Variants in PRKAG2 observed in about 807,000 individuals in gnomAD.
PRKAG2 encodes the protein 5'-AMP-activated protein kinase subunit gamma-2.
Under a neutral mutation model 69.6 loss-of-function variants are expected in PRKAG2, and 26 were observed. The ratio of observed to expected loss-of-function variants is 0.37; its 90% CI spans 0.27 to 0.52. The LOEUF is 0.52. Ranked by LOEUF, PRKAG2 falls within the 20% of genes least tolerant of loss-of-function variation. PRKAG2 has a pLI of 0.90. For missense variants in PRKAG2, 557 were observed against 740.0 expected, an observed-to-expected ratio of 0.75 and a Z score of 2.87; for synonymous variants, 293 against 285.0, an observed-to-expected ratio of 1.03 and a Z score of -0.28.
In PRKAG2 at chr7:151,771,807, C is replaced by T. The variant is rs144614786; in HGVS notation, c.466+9345G>A. Among the ~76,000 whole-genome samples the T allele has an allele frequency of 1.3e-5, 2 of 152,284 alleles. No individual in the cohort carries two copies. Among genetic ancestry groups the T allele is most frequent in the African/African-American group, 2.4e-5 (1 of 41,560 alleles). Reference sequence around the variant, plus strand: ...ATCTTGATGTCATCAATGATAATTGCCTCTGTCCCTTCACAGTTTCTGGAC... The same window carrying T: ...ATCTTGATGTCATCAATGATAATTGTCTCTGTCCCTTCACAGTTTCTGGAC... On this transcript the variant is annotated intron_variant, in intron 3 of 15. Transcript: ENST00000287878. The surrounding 1 kb of genome is among the most constrained non-coding windows in gnomAD (Gnocchi z 4.0).
At chr7:151,585,820 G>A (rs1418351128) in intron 6 of PRKAG2, among the ~76,000 whole-genome samples, 2 of 152,212 alleles carry the variant, frequency 1.3e-5, no homozygotes, top group African/African-American at 4.8e-5. Flanking sequence ...AGAAGGCAGA[G>A]TGTATTTGGG....
chr7:151,749,530 C>T (rs115816546), intron 3 of PRKAG2, among the ~76,000 whole-genome samples: 431 of 152,182 alleles, frequency 2.8e-3, no homozygotes, highest in Middle Eastern at 0.01. Flanking sequence ...GAAAAGGCAG[C>T]TCACAGGAAA....
At chr7:151,787,563 A>G (rs936154384) in intron 1 of PRKAG2, among the ~76,000 whole-genome samples, 3 of 152,198 alleles carry the variant, frequency 2.0e-5, no homozygotes, top group Admixed American at 6.5e-5. Context: ...ATAATATTCC[A>G]TTGTATGAGT....
At chr7:151,720,829 G>T (rs1435975445) in intron 3 of PRKAG2, among the ~76,000 whole-genome samples, 1 of 141,760 alleles carries the variant, frequency 7.1e-6, no homozygotes, top group African/African-American at 2.7e-5. Flanking sequence ...GGAGGGGATA[G>T]AGGGGACAGA....
intron 5 of PRKAG2, among the ~76,000 whole-genome samples, chr7:151,601,304 A>T (rs1289220268): frequency 6.6e-6 from 1 of 152,186 alleles, no homozygotes; most frequent in African/African-American, 2.4e-5. Context: ...CTTCTGTCTC[A>T]TCAGTTATTA....
In PRKAG2 at chr7:151,836,375, C is replaced by T. The variant is rs1055813008; in HGVS notation, c.114+40132G>A. On this transcript the variant is annotated intron_variant, in intron 1 of 15. Transcript: ENST00000287878. This position sits in a 1 kb window ranked among gnomAD's most constrained non-coding sequence, Gnocchi z 4.1. ...GAGGGGCGAGAGAATGGGGTGGTGG[C>T]TGCCCCAGGCCAGCTGGTCCAGGCA... is the stretch of plus-strand genomic sequence containing the variant. 2.6e-5 allele frequency among the ~76,000 whole-genome samples: 4 copies of T among 152,182 alleles called. No individual in the cohort carries two copies. Among genetic ancestry groups the T allele is most frequent in the African/African-American group, 7.2e-5 (3 of 41,428 alleles).
At chr7:151,587,822 T>C (rs188164574) in intron 6 of PRKAG2, among the ~76,000 whole-genome samples, 2 of 152,164 alleles carry the variant, frequency 1.3e-5, no homozygotes, top group African/African-American at 4.8e-5. Flanking sequence ...AACGGCATTA[T>C]GCAAAAACTA....
At chr7:151,830,218 G>A (rs1250816446) in intron 1 of PRKAG2, among the ~76,000 whole-genome samples, 3 of 150,404 alleles carry the variant, frequency 2.0e-5, no homozygotes, top group African/African-American at 7.4e-5. Context: ...TTGAAACTCT[G>A]TGCCTGGCCC....
intron 4 of PRKAG2, among the ~76,000 whole-genome samples, chr7:151,650,399 G>A (rs1046780649): frequency 5.3e-5 from 8 of 152,102 alleles, no homozygotes; most frequent in African/African-American, 2.4e-5. Context: ...GGAATGGTTT[G>A]CATGTTAAGA....
intron 11 of PRKAG2, among the ~76,000 whole-genome samples, 160 bp from the exon 12 acceptor site, chr7:151,566,045 C>G (rs1377894911): frequency 1.3e-5 from 2 of 152,218 alleles, no homozygotes; most frequent in Admixed American, 1.3e-4. Context: ...TTACAAAGGA[C>G]TGTATCTTTT....
At chr7:151,786,366 G>T in intron 2 of PRKAG2, 104 bp downstream of exon 2, 1 of 1,136,888 alleles carries the variant, frequency 8.8e-7, no homozygotes, top group Non-Finnish European at 1.3e-6. Flanking sequence ...CGGACATGCG[G>T]GTGGGCGTGA....
intron 1 of PRKAG2, among the ~76,000 whole-genome samples, chr7:151,854,015 C>T (rs1230659889): frequency 2.0e-5 from 3 of 152,102 alleles, no homozygotes; most frequent in Admixed American, 2.0e-4. Flanking sequence ...GAGGTCAGGC[C>T]TGTCCACCCG....
chr7:151,663,317 A>AG, intron 4 of PRKAG2, among the ~76,000 whole-genome samples: 1 of 152,338 alleles, frequency 6.6e-6, no homozygotes, highest in Non-Finnish European at 1.5e-5. Flanking sequence ...TCTGAAGGCA[A>AG]GGAGTATAAT....
chr7:151,579,555 C>T (rs1194758873), intron 6 of PRKAG2, among the ~76,000 whole-genome samples: 1 of 152,134 alleles, frequency 6.6e-6, no homozygotes, highest in Non-Finnish European at 1.5e-5. Context: ...TGGAGTGCAT[C>T]AACACGGGGT....
intron 6 of PRKAG2, among the ~76,000 whole-genome samples, chr7:151,589,956 G>A (rs979313906): frequency 6.6e-6 from 1 of 152,042 alleles, no homozygotes; most frequent in Non-Finnish European, 1.5e-5. Context: ...AGAAGAAGAA[G>A]AAAAAAGAAA....
intron 1 of PRKAG2, among the ~76,000 whole-genome samples, chr7:151,846,987 A>G (rs573197650): frequency 9.3e-4 from 142 of 152,342 alleles, no homozygotes; most frequent in Non-Finnish European, 1.6e-3. Context: ...CAAGATCACC[A>G]AGGCTGTTAC....
At chr7:151,748,078 G>A (rs1040017654) in intron 3 of PRKAG2, among the ~76,000 whole-genome samples, 1 of 151,798 alleles carries the variant, frequency 6.6e-6, no homozygotes, top group Admixed American at 6.6e-5. Context: ...GTGCCACCAC[G>A]CCTGGCTAAT....
At chr7:151,675,715 C>T in intron 3 of PRKAG2, 78 bp from the exon 4 acceptor site, 1 of 1,388,338 alleles carries the variant, frequency 7.2e-7, no homozygotes, top group Non-Finnish European at 1.0e-6. Context: ...GGTCTGGTCT[C>T]CAGGAAGGGA....
chr7:151,638,757 T>C lies in PRKAG2; in HGVS notation c.685-6619A>G, dbSNP rs549676534. Among the ~76,000 whole-genome samples the C allele has an allele frequency of 2.6e-5, 4 of 152,234 alleles. No individual in the cohort carries two copies. The highest frequency in any genetic ancestry group is 9.6e-5 in the African/African-American group (4 of 41,534). On this transcript the variant is annotated intron_variant, in intron 4 of 15. Coordinates refer to ENST00000287878, the MANE Select transcript of PRKAG2 (RefSeq NM_016203.4). This position sits in a 1 kb window ranked among gnomAD's most constrained non-coding sequence, Gnocchi z 4.3. ...CCTGAAAACTTAATCATAAAACAATTGCCAAAAAAGCACTCCTTTACGCAC... is the reference window on the plus strand; with the variant it reads ...CCTGAAAACTTAATCATAAAACAATCGCCAAAAAAGCACTCCTTTACGCAC...
Sources: gnomAD v4.1 joint callset for allele counts (sites outside exome capture counted in the v4.1 genomes callset) on GRCh38, gnomAD v4.1.1 for gene constraint, Gnocchi (gnomAD v3.1) non-coding constraint, MANE v1.5 for transcripts, NCBI Gene and HGNC (gene_info 2026-07-23, HGNC 2026-07-21) for gene names.